Variants in ATP10B observed in about 807,000 individuals in gnomAD.
The protein encoded by ATP10B is phospholipid-transporting ATPase VB.
ATP10B carries 122 observed loss-of-function variants against 141.2 expected under a neutral mutation model. The observed-to-expected ratio is 0.86, with a 90% CI of 0.75 to 1.00. The LOEUF (loss-of-function observed/expected upper bound fraction) is 1.00, where lower values mean the gene tolerates loss of function less well. Among genes scored for constraint, ATP10B ranks in the 50% least tolerant of loss-of-function variants. The pLI is 0.00. For synonymous variants in ATP10B, 685 were observed against 692.0 expected, an observed-to-expected ratio of 0.99 and a Z score of 0.16; for missense variants, 1,876 against 1,825.3, an observed-to-expected ratio of 1.03 and a Z score of -0.51.
At chr5:160,667,632 G>A (rs1342021093) in intron 7 of ATP10B, among the ~76,000 whole-genome samples, 1 of 152,164 alleles carries the variant, frequency 6.6e-6, no homozygotes, top group Non-Finnish European at 1.5e-5. Flanking sequence ...CTCAGCGAGT[G>A]CTCTGTGAGA....
intron 1 of ATP10B, among the ~76,000 whole-genome samples, chr5:160,808,297 GATTTT>G (rs938967445): frequency 3.9e-4 from 60 of 152,250 alleles, no homozygotes; most frequent in Non-Finnish European, 5.6e-4. Context: ...ATGAATTTGC[GATTTT>G]ATTATTCTGA....
the ATP10B span, among the ~76,000 whole-genome samples, chr5:160,915,629 G>A: frequency 2.6e-5 from 4 of 152,090 alleles, no homozygotes; most frequent in African/African-American, 7.2e-5. Context: ...ACAGCGCCCG[G>A]CCCCACTGAC....
chr5:160,694,274 C>A (rs969231422), intron 3 of ATP10B, among the ~76,000 whole-genome samples: 1 of 152,164 alleles, frequency 6.6e-6, no homozygotes, highest in Non-Finnish European at 1.5e-5. Flanking sequence ...TTGCTGCCTG[C>A]AGAAAGTTTA....
At chr5:160,573,935 C>T (rs1755036493) in intron 24 of ATP10B, among the ~76,000 whole-genome samples, 1 of 152,204 alleles carries the variant, frequency 6.6e-6, no homozygotes, top group African/African-American at 2.4e-5. Context: ...CTGTACATGT[C>T]TCCACATATA....
At chr5:160,856,073 A>G (rs982820558), upstream of ATP10B, among the ~76,000 whole-genome samples, 1 of 151,688 alleles carries the variant, frequency 6.6e-6, no homozygotes, top group Non-Finnish European at 1.5e-5. Flanking sequence ...ATGCTTTTTC[A>G]TATAAATTGT....
At chr5:160,847,986 A>C (rs926098199) in intron 1 of ATP10B, among the ~76,000 whole-genome samples, 1 of 152,184 alleles carries the variant, frequency 6.6e-6, no homozygotes, top group Non-Finnish European at 1.5e-5. Flanking sequence ...CAACACAGCC[A>C]TCTATTTTCA....
At chr5:160,869,102 C>T in the ATP10B span, among the ~76,000 whole-genome samples, 9 of 152,100 alleles carry the variant, frequency 5.9e-5, no homozygotes, top group Admixed American at 4.6e-4. Flanking sequence ...ACAATGTCTA[C>T]TTTACATAGT....
chr5:160,826,065 G>A (rs1774580099), intron 1 of ATP10B, among the ~76,000 whole-genome samples: 1 of 152,138 alleles, frequency 6.6e-6, no homozygotes, highest in Non-Finnish European at 1.5e-5. Context: ...TTGTTGATGG[G>A]CACCTAGGTT....
intron 7 of ATP10B, among the ~76,000 whole-genome samples, chr5:160,663,431 C>A (rs1362094381): frequency 6.6e-6 from 1 of 152,054 alleles, no homozygotes; most frequent in Non-Finnish European, 1.5e-5. Flanking sequence ...AAATGTGGCA[C>A]ATATACACCA....
At chr5:160,736,804 T>C (rs1042500731) in intron 2 of ATP10B, among the ~76,000 whole-genome samples, 2 of 152,128 alleles carry the variant, frequency 1.3e-5, no homozygotes, top group African/African-American at 4.8e-5. Flanking sequence ...TGGGACCTGA[T>C]GGCTTCACTG....
chr5:160,649,795 C>A (rs557218450), intron 7 of ATP10B, among the ~76,000 whole-genome samples: 70 of 152,166 alleles, frequency 4.6e-4, no homozygotes, highest in African/African-American at 1.6e-3. Context: ...AAAATGCTTG[C>A]GCATGTAATA....
At chr5:160,584,316 G>A (rs548340545) in intron 24 of ATP10B, among the ~76,000 whole-genome samples, 3 of 152,186 alleles carry the variant, frequency 2.0e-5, no homozygotes, top group African/African-American at 7.2e-5. Flanking sequence ...CTTTCCGGGT[G>A]AGGCAATGCC....
chr5:160,781,351 T>A (rs923354723), intron 2 of ATP10B, among the ~76,000 whole-genome samples: 30 of 152,136 alleles, frequency 2.0e-4, no homozygotes, highest in Non-Finnish European at 5.9e-5. Flanking sequence ...GCCTTGGGGA[T>A]GTTTGAAAGA....
Position 160,632,290 on chromosome 5 carries a change from C to T in ATP10B, c.1459G>A (p.Ala487Thr), listed in dbSNP as rs1457374201. The T allele has an allele frequency of 1.2e-6, 2 of 1,614,178 alleles. No homozygotes were observed. The highest frequency in any genetic ancestry group is 1.7e-6 in the Non-Finnish European group (2 of 1,180,028). Residue 487 changes from alanine to threonine, a missense_variant, in exon 13 of 26, where the codon GCT becomes ACT. Physicochemically the swap from Ala to Thr is moderately conservative, Grantham distance 58 (BLOSUM62 0). Coordinates refer to ENST00000327245, the MANE Select transcript of ATP10B (RefSeq NM_025153.3). ...WTQYQCLSFS[A>T]RWAQDPATMR... ...GTTGCTGGATCCTGGGCCCATCTAGCCGAGAAGGACAGGCATTGGTATTGG... is the reference window on the plus strand; with the variant it reads ...GTTGCTGGATCCTGGGCCCATCTAGTCGAGAAGGACAGGCATTGGTATTGG...
chr5:160,873,050 C>T, the ATP10B span, among the ~76,000 whole-genome samples: 1 of 150,568 alleles, frequency 6.6e-6, no homozygotes, highest in Non-Finnish European at 1.5e-5. Context: ...TGATTTCTTT[C>T]AGCAGTGTTT....
intron 2 of ATP10B, among the ~76,000 whole-genome samples, chr5:160,755,864 T>A (rs1364244506): frequency 7.3e-5 from 9 of 123,794 alleles, no homozygotes; most frequent in African/African-American, 3.0e-4. Context: ...TATATATATA[T>A]ATATATATAT....
intron 2 of ATP10B, among the ~76,000 whole-genome samples, chr5:160,775,832 C>T (rs1770268403): frequency 1.3e-5 from 2 of 152,074 alleles, no homozygotes; most frequent in South Asian, 4.2e-4. Context: ...AGGCACCCGC[C>T]ACCATGCCCG....
chr5:160,742,442 G>C (rs1442952510), intron 2 of ATP10B, among the ~76,000 whole-genome samples: 1 of 151,808 alleles, frequency 6.6e-6, no homozygotes, highest in Non-Finnish European at 1.5e-5. Flanking sequence ...TCAGTACCAG[G>C]GCTTTTATCC....
chr5:160,767,088 T>C (rs1440469028), intron 2 of ATP10B, among the ~76,000 whole-genome samples: 7 of 152,078 alleles, frequency 4.6e-5, no homozygotes, highest in African/African-American at 1.7e-4. Flanking sequence ...ACACACAAAA[T>C]ACTTTAACAG....
Sources: gnomAD v4.1 joint callset for allele counts (sites outside exome capture counted in the v4.1 genomes callset) on GRCh38, gnomAD v4.1.1 for gene constraint, MANE v1.5 for transcripts, NCBI Gene and HGNC (gene_info 2026-07-23, HGNC 2026-07-21) for gene names.